Variants in ADCK2 observed in about 807,000 individuals in gnomAD.
The protein encoded by ADCK2 is aarF domain containing kinase 2, also known as uncharacterized aarF domain-containing protein kinase 2.
ADCK2 carries 37 observed loss-of-function variants against 52.3 expected under a neutral mutation model. The ratio of observed to expected loss-of-function variants is 0.71; its 90% CI spans 0.54 to 0.93. The LOEUF (loss-of-function observed/expected upper bound fraction) is 0.93. Among genes scored for constraint, ADCK2 ranks in the 40% least tolerant of loss-of-function variants. ADCK2 has a pLI of 0.00. For missense variants in ADCK2, 695 were observed against 798.7 expected, an observed-to-expected ratio of 0.87 and a Z score of 1.56; for synonymous variants, 321 against 349.2, an observed-to-expected ratio of 0.92 and a Z score of 0.90.
At chr7:140,684,263 C>T (rs1483092610) in intron 4 of ADCK2, among the ~76,000 whole-genome samples, 2 of 152,116 alleles carry the variant, frequency 1.3e-5, no homozygotes, top group Non-Finnish European at 2.9e-5. Context: ...GGCTTCTTAT[C>T]TTTCAAAAGA....
Position 140,674,650 on chromosome 7 carries a change from C to T in ADCK2, c.973C>T (p.Leu325=), listed in dbSNP as rs767618887. ...PGLLAQVHMD[L]LLMKIGSRVL... ...CCTGCTCGCTCAGGTGCATATGGAC[C>T]TGCTGCTGATGAAGATTGGCAGCCG... Residue 325 remains leucine (L), a synonymous_variant, in exon 2 of 8, where the codon CTG becomes TTG. Coordinates refer to ENST00000072869, the MANE Select transcript of ADCK2 (RefSeq NM_052853.4). The surrounding 1 kb of genome is among the most constrained non-coding windows in gnomAD (Gnocchi z 4.6). 22 of 1,614,002 alleles carry T rather than the reference C, an allele frequency of 1.4e-5. No homozygotes were observed. Among genetic ancestry groups the T allele is most frequent in the Non-Finnish European group, 1.8e-5 (21 of 1,180,018 alleles).
chr7:140,694,909 G>T lies in ADCK2; in HGVS notation c.*106G>T. The stretch of plus-strand genomic sequence containing the variant: ...TAAAATTGGGACACCAATTTCAAAT[G>T]TAACCCTCCAGTGGTGGAAGGCACA... On this transcript the variant is annotated 3_prime_UTR_variant, in exon 8 of 8. Coordinates refer to ENST00000072869, the MANE Select transcript of ADCK2 (RefSeq NM_052853.4). 2 of 1,470,676 alleles carry T rather than the reference G, an allele frequency of 1.4e-6. No homozygotes were observed. The highest frequency in any genetic ancestry group is 1.8e-6 in the Non-Finnish European group (2 of 1,116,326). The allele number at this position is 1,470,676 out of a possible 1,614,324, so 91.1% of individuals were successfully genotyped here.
At position 140,684,980 on chromosome 7, in the gene ADCK2, G is replaced by T. The variant is rs569129172; in HGVS notation, c.1306-2010G>T. 2.0e-5 allele frequency among the ~76,000 whole-genome samples: 3 copies of T among 152,270 alleles called. No homozygotes were observed. The East Asian group carries it at 5.8e-4, about 29-fold the overall frequency. ...GGAGAAGCACCATGAAGCAGCACCA[G>T]GAGTGGAGCGAGGATGAGGGGCCTC... On this transcript the variant is annotated intron_variant, in intron 4 of 7. Transcript: ENST00000072869.
Position 140,679,250 on chromosome 7 carries a change from T to G in ADCK2, c.1176T>G (p.Phe392Leu). The stretch of plus-strand genomic sequence containing the variant: ...AGTTCCCCACCCCTCTGCGCCCCTT[T>G]GTCACCAGAGAAGTCTTGGTGGAAA... ...AVKFPTPLRP[F>L]VTREVLVETY... Residue 392 changes from phenylalanine (F) to leucine (L), a missense_variant, in exon 3 of 8, where the codon TTT becomes TTG. By Grantham distance (22) the Phe-to-Leu change is conservative (BLOSUM62 0). Coordinates refer to ENST00000072869, the MANE Select transcript of ADCK2 (RefSeq NM_052853.4). 2 of 1,614,060 alleles carry G rather than the reference T, an allele frequency of 1.2e-6. 1 individual carries two copies.
chr7:140,679,567 G>A (rs1794480060), intron 3 of ADCK2, among the ~76,000 whole-genome samples: 1 of 151,140 alleles, frequency 6.6e-6, no homozygotes, highest in South Asian at 2.1e-4. Context: ...CACACTGAAT[G>A]CAAAACAAGG....
chr7:140,673,919 A>T lies in ADCK2; in HGVS notation c.589A>T (p.Ile197Phe). 4 of 1,613,982 alleles carry T rather than the reference A, an allele frequency of 2.5e-6. No homozygotes were observed. The highest frequency in any genetic ancestry group is 3.4e-6 in the Non-Finnish European group (4 of 1,180,036). The stretch of plus-strand genomic sequence containing the variant: ...GGCTTTTGGGGATGACTGGGGGAGC[A>T]TCCTCTCTTTTGAGAACCGGGAACC... ...RQAFGDDWGS[I>F]LSFENREPVG... is the part of the protein sequence containing the mutation. Residue 197 changes from isoleucine (I) to phenylalanine (F), a missense_variant, in exon 1 of 8, where the codon ATC becomes TTC. Coordinates refer to ENST00000072869, the MANE Select transcript of ADCK2 (RefSeq NM_052853.4). The surrounding 1 kb of genome is among the most constrained non-coding windows in gnomAD (Gnocchi z 6.4).
At chr7:140,675,119 T>C (rs1355400980) in intron 2 of ADCK2, among the ~76,000 whole-genome samples, 12 of 152,064 alleles carry the variant, frequency 7.9e-5, no homozygotes, top group African/African-American at 2.9e-4. Flanking sequence ...GCTGCATGCC[T>C]GTAATCCCAG....
In ADCK2 at chr7:140,673,220, G is replaced by A; in HGVS notation, c.-111G>A. On this transcript the variant is annotated 5_prime_UTR_variant, in exon 1 of 8. An upstream start codon of the reference 5' UTR is lost. Transcript: ENST00000072869. The surrounding 1 kb of genome is among the most constrained non-coding windows in gnomAD (Gnocchi z 6.4). ...AGCGGGGCGCGGATCCGGCCCAGAT[G>A]GGCAGCTCCGTCCGCGGGGTCAGGG... 1 of 950,786 alleles carries A rather than the reference G, an allele frequency of 1.1e-6. No individual in the cohort carries two copies. The highest frequency in any genetic ancestry group is 1.4e-6 in the Non-Finnish European group (1 of 697,294). The allele number at this position is 950,786 out of a possible 1,614,324, so 58.9% of individuals were successfully genotyped here.
At chr7:140,675,894 G>A (rs1794401733) in intron 2 of ADCK2, among the ~76,000 whole-genome samples, 1 of 152,186 alleles carries the variant, frequency 6.6e-6, no homozygotes, top group South Asian at 2.1e-4. Flanking sequence ...AACACACTGG[G>A]GTGGTCGGGG....
rs764159638 is a variant in ADCK2, at chr7:140,689,672, G to T, written c.1633G>T (p.Glu545Ter). ...ECRDVEGFKTEMAMLVTQARK... is the reference protein window; with the variant it reads ...ECRDVEGFKT The stretch of plus-strand genomic sequence containing the variant: ...CAGGGACGTGGAGGGGTTCAAAACC[G>T]AGATGGCCATGCTGGTGACCCAGGC... The change falls in exon 6 of 8, where the codon GAG (glutamate) becomes TAG (stop). Residue 545 changes from glutamate (E) to a stop codon, truncating the protein, a stop_gained. Transcript: ENST00000072869. LOFTEE classifies it high-confidence loss of function. 5.0e-6 allele frequency: 8 copies of T among 1,613,808 alleles called. No individual in the cohort carries two copies. In the South Asian group the frequency reaches 8.8e-5, roughly 18 times the overall value.
chr7:140,687,267 T>C, intron 5 of ADCK2, 26 bp downstream of exon 5: 1 of 1,522,438 alleles, frequency 6.6e-7, no homozygotes, highest in Non-Finnish European at 8.9e-7. Flanking sequence ...ACCACAGAAG[T>C]TGGGGTGAAT....
chr7:140,688,366 G>A (rs1172625552), intron 5 of ADCK2, among the ~76,000 whole-genome samples: 1 of 152,136 alleles, frequency 6.6e-6, no homozygotes, highest in African/African-American at 2.4e-5. Flanking sequence ...TCTTGAAACA[G>A]GACAGGTCTC....
intron 7 of ADCK2, among the ~76,000 whole-genome samples, chr7:140,691,193 T>C (rs1376506125): frequency 6.6e-6 from 1 of 151,980 alleles, no homozygotes; most frequent in Non-Finnish European, 1.5e-5. Context: ...CCCAAAGTGC[T>C]GGGATTACAG....
intron 6 of ADCK2, 67 bp from the exon 7 acceptor site, chr7:140,690,693 G>A (rs1794689203): frequency 2.7e-6 from 4 of 1,457,650 alleles, no homozygotes; most frequent in East Asian, 2.3e-5. Context: ...AGAGTGTGGG[G>A]GTGGTGGGAA....
chr7:140,686,506 C>G (rs1794606934), intron 4 of ADCK2, among the ~76,000 whole-genome samples: 1 of 152,176 alleles, frequency 6.6e-6, no homozygotes, highest in African/African-American at 2.4e-5. Flanking sequence ...GTCTTTAACT[C>G]CTGACCTCAA....
At chr7:140,680,487 C>T (rs1585846144) in intron 3 of ADCK2, among the ~76,000 whole-genome samples, 2 of 151,334 alleles carry the variant, frequency 1.3e-5, no homozygotes. Flanking sequence ...TGGGGGTCTC[C>T]TTACGTTGCC....
intron 3 of ADCK2, among the ~76,000 whole-genome samples, chr7:140,679,748 C>T (rs367796564): frequency 1.2e-4 from 17 of 142,022 alleles, no homozygotes; most frequent in African/African-American, 4.1e-4. Context: ...TCTCAGCTCA[C>T]TGCCACCTCC....
rs764997853 is a variant in ADCK2, at chr7:140,673,779, A to G, written c.449A>G (p.Gln150Arg). 1 of 1,612,812 alleles carries G rather than the reference A, an allele frequency of 6.2e-7. No individual in the cohort carries two copies. Among genetic ancestry groups the G allele is most frequent in the Non-Finnish European group, 8.5e-7 (1 of 1,179,900 alleles). ...GGCCCAACCTACATCAAACTGGGCC[A>G]GTGGGCCAGCACCCGGCGCGATCTG... ...TSGPTYIKLG[Q>R]WASTRRDLFS... The change falls in exon 1 of 8, where the codon CAG becomes CGG. Residue 150 changes from glutamine (Q) to arginine (R), a missense_variant. Gln to Arg is a conservative substitution (Grantham distance 43). Coordinates refer to ENST00000072869, the MANE Select transcript of ADCK2 (RefSeq NM_052853.4). This position sits in a 1 kb window ranked among gnomAD's most constrained non-coding sequence, Gnocchi z 6.4.
chr7:140,694,391 GTCAT>G (rs1012569602), intron 7 of ADCK2, among the ~76,000 whole-genome samples: 15 of 152,270 alleles, frequency 9.9e-5, no homozygotes, highest in Middle Eastern at 6.8e-3. Flanking sequence ...GATTTATTTG[GTCAT>G]TCATTCATAC....
Sources: allele counts gnomAD v4.1 joint callset (sites outside exome capture counted in the v4.1 genomes callset), GRCh38; gene constraint gnomAD v4.1.1; non-coding constraint Gnocchi (gnomAD v3.1); transcripts MANE v1.5; gene names NCBI Gene and HGNC (gene_info 2026-07-23, HGNC 2026-07-21).